TCF20: variants seen among roughly 807,000 people sequenced by gnomAD.
The protein encoded by TCF20 is SPRE-binding protein.
A neutral mutation model predicts 148.6 loss-of-function variants in TCF20; 3 were observed. That is an observed-to-expected ratio of 0.02 (90% CI 0.01 to 0.05). The LOEUF is 0.05. Ranked by LOEUF, TCF20 falls within the 10% of genes least tolerant of loss-of-function variation. The pLI, the probability that TCF20 is intolerant of heterozygous loss-of-function variation, is 1.00. For synonymous variants in TCF20, 1,049 were observed against 909.5 expected (o/e 1.15, Z -2.76); for missense variants, 2,350 against 2,429.3 (o/e 0.97, Z 0.69).
At chr22:42,241,646 G>A (rs1364426439) in intron 1 of TCF20, among the ~76,000 whole-genome samples, 2 of 152,150 alleles carry the variant, frequency 1.3e-5, no homozygotes, top group Admixed American at 6.5e-5. Context: ...GGCCATCATG[G>A]TGAAACTCCA....
intron 1 of TCF20, among the ~76,000 whole-genome samples, chr22:42,234,853 C>T (rs943827721): frequency 6.6e-6 from 1 of 152,054 alleles, no homozygotes. Flanking sequence ...AGCATAAGAA[C>T]TTTGTGCCGG....
At chr22:42,285,991 T>C (rs571627807), upstream of TCF20, among the ~76,000 whole-genome samples, 22 of 152,094 alleles carry the variant, frequency 1.4e-4, no homozygotes, top group South Asian at 3.5e-3. The surrounding 1 kb of genome is among the most constrained non-coding windows in gnomAD (Gnocchi z 4.2). Context: ...GAAGAAATGG[T>C]GGAAAGGGGT....
chr22:42,306,205 G>A (rs1023489570), intron 1 of TCF20, among the ~76,000 whole-genome samples: 1 of 152,268 alleles, frequency 6.6e-6, no homozygotes, highest in Non-Finnish European at 1.5e-5. Flanking sequence ...TCCCCGCCTC[G>A]CAGAAAGCCT....
chr22:42,170,690 T>TTC (rs1243613400), intron 3 of TCF20, among the ~76,000 whole-genome samples: 1 of 141,810 alleles, frequency 7.1e-6, no homozygotes, highest in Non-Finnish European at 1.5e-5. Context: ...GTAACAATAA[T>TTC]TCTCTTTGGG....
At position 42,161,276 on chromosome 22, in the gene TCF20, G is replaced by A; in HGVS notation, c.*127C>T. On this transcript the variant is annotated 3_prime_UTR_variant, in exon 6 of 6. Coordinates refer to ENST00000677622, the MANE Select transcript of TCF20 (RefSeq NM_001378418.1). ...CAGGCACGCGGGCGGGGCGGGGCGG[G>A]GCAGGGCAGGGTGTGGCTGCACGGT... The A allele has an allele frequency of 1.2e-6, 2 of 1,607,038 alleles. No homozygotes were observed. The highest frequency in any genetic ancestry group is 1.7e-6 in the Non-Finnish European group (2 of 1,176,314).
intron 1 of TCF20, among the ~76,000 whole-genome samples, chr22:42,318,697 C>T (rs1419670937): frequency 6.6e-6 from 1 of 152,200 alleles, no homozygotes; most frequent in Admixed American, 6.5e-5. Context: ...CTGCAGGTGA[C>T]CTGGGGTTTC....
intron 2 of TCF20, among the ~76,000 whole-genome samples, chr22:42,203,769 G>A (rs1483103100): frequency 1.3e-5 from 2 of 152,184 alleles, no homozygotes; most frequent in South Asian, 2.1e-4. Context: ...GGAGGGAGAG[G>A]AGAATGGAGA....
Position 42,214,238 on chromosome 22 carries a change from G to A in TCF20, c.1068C>T (p.Ser356=), listed in dbSNP as rs1346238421. 6.2e-7 allele frequency: 1 copy of A among 1,614,070 alleles called. No homozygotes were observed. Among genetic ancestry groups the A allele is most frequent in the Admixed American group, 1.7e-5 (1 of 59,992 alleles). Residue 356 remains serine (S), a synonymous_variant, in exon 2 of 6, where the codon TCC becomes TCT. Transcript: ENST00000677622. ...QYNQPEVPVR[S]PMQFHQNFSP... ...TGAAGTTCTGGTGAAACTGCATGGG[G>A]GACCTCACAGGAACCTCAGGCTGGT...
chr22:42,199,631 A>T (rs1418454540), intron 2 of TCF20, among the ~76,000 whole-genome samples: 2 of 138,110 alleles, frequency 1.4e-5, no homozygotes, highest in African/African-American at 2.7e-5. Flanking sequence ...ACACTTTGGG[A>T]GGCCAAGGCA....
At chr22:42,313,593 CTTTCTT>C (rs1927574389) in intron 1 of TCF20, among the ~76,000 whole-genome samples, 1 of 115,670 alleles carries the variant, frequency 8.6e-6, no homozygotes, top group Non-Finnish European at 1.8e-5. Flanking sequence ...CAACAGAATT[CTTTCTT>C]TTTTTTTTTT....
At chr22:42,334,408 C>T (rs1228058831) in intron 1 of TCF20, among the ~76,000 whole-genome samples, 2 of 152,186 alleles carry the variant, frequency 1.3e-5, no homozygotes. Context: ...AGCCCCTGGG[C>T]ACAACTCAGT....
At position 42,323,988 on chromosome 22, in the gene TCF20, G is replaced by T. The variant is rs1423880688; in HGVS notation, c.-37+19491C>A. Reference sequence around the variant, plus strand: ...TGGTGATGGTGGTGGTGGAGGTTATGGTGGTGGAGGTGGTGGCGGAGGTTA... The same window carrying T: ...TGGTGATGGTGGTGGTGGAGGTTATTGTGGTGGAGGTGGTGGCGGAGGTTA... On this transcript the variant is annotated intron_variant, in intron 1 of 1. Coordinates refer to the TCF20 transcript ENST00000515426. Among the ~76,000 whole-genome samples the T allele has an allele frequency of 5.8e-3, 805 of 138,136 alleles. 4 individuals carry two copies. Among genetic ancestry groups the T allele is most frequent in the Middle Eastern group, 0.016 (4 of 254 alleles). The allele number at this position is 138,136 out of a possible 152,430, so 90.6% of individuals were successfully genotyped here. A position where few individuals can be genotyped will look rare whatever the true frequency, so the allele number is the denominator to read the frequency against.
intron 2 of TCF20, among the ~76,000 whole-genome samples, chr22:42,200,192 G>T (rs1191779323): frequency 2.0e-5 from 3 of 151,968 alleles, no homozygotes; most frequent in African/African-American, 7.2e-5. Context: ...CATATTAAAC[G>T]CAAACCTAAA....
At chr22:42,174,859 C>T (rs140465338) in intron 3 of TCF20, among the ~76,000 whole-genome samples, 1 of 151,982 alleles carries the variant, frequency 6.6e-6, no homozygotes, top group East Asian at 1.9e-4. Context: ...CACGGTGAAA[C>T]CCCGTCTCTA....
intron 2 of TCF20, among the ~76,000 whole-genome samples, chr22:42,199,050 A>G (rs959990070): frequency 6.6e-6 from 1 of 152,224 alleles, no homozygotes; most frequent in Admixed American, 6.5e-5. Flanking sequence ...TTATACTATT[A>G]TATCTAGTGA....
chr22:42,243,310 A>AAAAAAAAAAAAAAAAAAAAAAACAAAAC (rs1569180401), intron 1 of TCF20, among the ~76,000 whole-genome samples: 3 of 140,864 alleles, frequency 2.1e-5, no homozygotes, highest in African/African-American at 9.1e-5. Flanking sequence ...AAAAAAAAAA[A>AAAAAAAAAAAAAAAAAAAAAAACAAAAC]AAAAAAAAAA....
chr22:42,334,299 T>C (rs1361994368), intron 1 of TCF20, among the ~76,000 whole-genome samples: 1 of 152,148 alleles, frequency 6.6e-6, no homozygotes, highest in East Asian at 1.9e-4. Context: ...ATTGGCTCCA[T>C]TTTACAGAGG....
At chr22:42,300,253 G>A (rs1268417576) in intron 1 of TCF20, among the ~76,000 whole-genome samples, 1 of 152,152 alleles carries the variant, frequency 6.6e-6, no homozygotes, top group African/African-American at 2.4e-5. Flanking sequence ...AGGAGGCTGG[G>A]CAGGTGGCCA....
chr22:42,215,094 C>T lies in TCF20; in HGVS notation c.212G>A (p.Ser71Asn), dbSNP rs1921585372. ...GTAACCTTGATGGCCAGAGGTCTCG[C>T]TAGCCATCGCTGCCGCAGCAGCTGC... ...GAAAAAAAMA[S>N]ETSGHQGYQG... Residue 71 changes from serine (S) to asparagine (N), a missense_variant, in exon 2 of 6, where the codon AGC becomes AAC. By Grantham distance (46) the Ser-to-Asn change is conservative. Coordinates refer to ENST00000677622, the MANE Select transcript of TCF20 (RefSeq NM_001378418.1). The T allele has an allele frequency of 1.2e-6, 2 of 1,614,090 alleles. No individual in the cohort carries two copies. The highest frequency in any genetic ancestry group is 1.7e-5 in the Admixed American group (1 of 60,006).
Sources: allele counts gnomAD v4.1 joint callset (sites outside exome capture counted in the v4.1 genomes callset), GRCh38; gene constraint gnomAD v4.1.1; non-coding constraint Gnocchi (gnomAD v3.1); transcripts MANE v1.5; gene names NCBI Gene and HGNC (gene_info 2026-07-23, HGNC 2026-07-21).